Variants in NRXN3 observed in about 807,000 individuals in gnomAD.
NRXN3 encodes neurexin III.
In NRXN3, 32 loss-of-function variants were observed where a neutral mutation model predicts 137.6. The observed-to-expected ratio is 0.23, with a 90% confidence interval of 0.18 to 0.31. NRXN3 has a LOEUF of 0.31. Among genes scored for constraint, NRXN3 ranks in the 10% least tolerant of loss-of-function variants. The pLI is 1.00. For missense variants in NRXN3, 1,574 were observed against 2,062.5 expected (o/e 0.76, Z 4.59); for synonymous variants, 798 against 784.5 (o/e 1.02, Z -0.29).
At chr14:79,301,970 A>T (rs1018207017) in intron 15 of NRXN3, among the ~76,000 whole-genome samples, 8 of 151,964 alleles carry the variant, frequency 5.3e-5, no homozygotes, top group Admixed American at 4.6e-4. Context: ...GTTTGTGGCT[A>T]TGAGCTCTTT....
chr14:78,458,771 CTGT>C (rs371018911), intron 4 of NRXN3, among the ~76,000 whole-genome samples: 70 of 152,316 alleles, frequency 4.6e-4, no homozygotes, highest in African/African-American at 1.7e-3. Flanking sequence ...GAATAGGTGC[CTGT>C]TGTTATATCT....
intron 4 of NRXN3, among the ~76,000 whole-genome samples, chr14:78,454,546 C>CAGCCAGGAG (rs1245766078): frequency 1.3e-5 from 2 of 152,206 alleles, no homozygotes; most frequent in African/African-American, 4.8e-5. Flanking sequence ...GGTTTGAGAA[C>CAGCCAGGAG]TGCTGTCTCT....
At chr14:79,557,332 T>C (rs1392957977) in intron 16 of NRXN3, among the ~76,000 whole-genome samples, 1 of 151,878 alleles carries the variant, frequency 6.6e-6, no homozygotes, top group African/African-American at 2.4e-5. Flanking sequence ...TGCAAAAACC[T>C]AGTAGTTCTC....
intron 15 of NRXN3, among the ~76,000 whole-genome samples, chr14:79,281,305 G>T (rs778009192): frequency 6.6e-6 from 1 of 152,092 alleles, no homozygotes; most frequent in Non-Finnish European, 1.5e-5. Context: ...GCAGAGATGG[G>T]CTTGTTCACA....
Position 79,621,443 on chromosome 14 carries a change from T to C in NRXN3, c.3445-42335T>C, listed in dbSNP as rs1811214869. Among the ~76,000 whole-genome samples, 3 of 152,360 alleles carry C rather than the reference T, an allele frequency of 2.0e-5. No individual in the cohort carries two copies. The South Asian group carries it at 6.2e-4, about 32-fold the overall frequency. On this transcript the variant is annotated intron_variant, in intron 16 of 20. Coordinates refer to ENST00000335750, the MANE Select transcript of NRXN3 (RefSeq NM_001330195.2). The stretch of plus-strand genomic sequence containing the variant: ...TGCCAGTGGAGAAAAGTGATAACTT[T>C]ATGAGTCCTTTGCCAGACATAAGTG...
At chr14:78,463,297 G>A (rs1488336859) in intron 4 of NRXN3, among the ~76,000 whole-genome samples, 1 of 152,004 alleles carries the variant, frequency 6.6e-6, no homozygotes, top group African/African-American at 2.4e-5. Context: ...ACCAGTTGAT[G>A]GACACTTAGG....
At chr14:78,312,301 A>C (rs1164028011) in intron 4 of NRXN3, among the ~76,000 whole-genome samples, 1 of 152,190 alleles carries the variant, frequency 6.6e-6, no homozygotes, top group Admixed American at 6.5e-5. Context: ...GCTTTGTACC[A>C]CTTACACAGA....
intron 6 of NRXN3, among the ~76,000 whole-genome samples, chr14:78,685,959 T>C (rs2098122327): frequency 6.6e-6 from 1 of 152,038 alleles, no homozygotes; most frequent in African/African-American, 2.4e-5. Context: ...ATGTCACAGT[T>C]TTATAGGCCT....
At chr14:79,536,045 CT>C (rs1045664955) in intron 16 of NRXN3, among the ~76,000 whole-genome samples, 1 of 152,170 alleles carries the variant, frequency 6.6e-6, no homozygotes. Flanking sequence ...GCTCAACCAG[CT>C]TTGCTGAAAT....
intron 15 of NRXN3, among the ~76,000 whole-genome samples, chr14:79,015,626 A>G (rs1165140590): frequency 1.3e-5 from 2 of 152,150 alleles, no homozygotes; most frequent in African/African-American, 4.8e-5. Flanking sequence ...CTCCATTCTA[A>G]GGCCCGCCTC....
intron 14 of NRXN3, among the ~76,000 whole-genome samples, chr14:78,987,567 A>G (rs1433584032): frequency 6.6e-6 from 1 of 152,054 alleles, no homozygotes; most frequent in Non-Finnish European, 1.5e-5. Context: ...ATATCATTAA[A>G]CATCTTTTTT....
rs552281021 is a variant in NRXN3, at chr14:78,864,761, T to C, written c.2275+54417T>C. ...CTTTGGTTTCATAAAGAGTGGACAG[T>C]CTTGGGGAAGTATGGCTGGACAAAA... On this transcript the variant is annotated intron_variant, in intron 10 of 20. Coordinates refer to ENST00000335750, the MANE Select transcript of NRXN3 (RefSeq NM_001330195.2). Among the ~76,000 whole-genome samples the C allele has an allele frequency of 2.0e-5, 3 of 152,202 alleles. No homozygotes were observed. The East Asian group carries it at 5.8e-4, about 29-fold the overall frequency.
At chr14:79,768,385 T>G (rs913463341) in intron 19 of NRXN3, among the ~76,000 whole-genome samples, 7 of 152,152 alleles carry the variant, frequency 4.6e-5, no homozygotes, top group Non-Finnish European at 8.8e-5. Context: ...CTGACAGCTT[T>G]GAAGAGAGCA....
At chr14:78,263,873 TTGTGTGTGTGTGTGTGTGTG>T (rs3059009) in intron 2 of NRXN3, among the ~76,000 whole-genome samples, 34 of 135,650 alleles carry the variant, frequency 2.5e-4, no homozygotes, top group African/African-American at 5.1e-4. Flanking sequence ...CAGTTCTATT[TTGTGTGTGTGTGTGTGTGTG>T]TGTGTGTGTG....
chr14:79,255,202 G>A (rs914641877), intron 15 of NRXN3, among the ~76,000 whole-genome samples: 10 of 152,174 alleles, frequency 6.6e-5, no homozygotes, highest in African/African-American at 2.4e-4. Context: ...ACACTGTCAG[G>A]AGTGGCCCAG....
intron 20 of NRXN3, among the ~76,000 whole-genome samples, chr14:79,849,222 C>T (rs1157809042): frequency 6.6e-6 from 1 of 152,198 alleles, no homozygotes; most frequent in Non-Finnish European, 1.5e-5. Context: ...TCCCAAAAGT[C>T]CATTCTCCAT....
At chr14:78,296,524 A>C (rs967026943) in intron 3 of NRXN3, among the ~76,000 whole-genome samples, 7 of 152,338 alleles carry the variant, frequency 4.6e-5, no homozygotes, top group African/African-American at 1.4e-4. Context: ...CAAAAGACCC[A>C]AAATGAATTT....
chr14:78,354,889 C>G lies in NRXN3; in HGVS notation c.757+57029C>G, dbSNP rs548692271. ...AGTAAGAAAACAGAGGTAGTGGCTA[C>G]CAAGGGGCTGAGGGAATCTGTTCTC... On this transcript the variant is annotated intron_variant, in intron 4 of 20. Transcript: ENST00000335750. Among the ~76,000 whole-genome samples, 98 of 152,280 alleles carry G rather than the reference C, an allele frequency of 6.4e-4. 1 individual carries two copies. The highest frequency in any genetic ancestry group is 2.2e-3 in the African/African-American group (93 of 41,560).
chr14:79,769,987 A>G (rs936725028), intron 19 of NRXN3, among the ~76,000 whole-genome samples: 1 of 152,152 alleles, frequency 6.6e-6, no homozygotes, highest in African/African-American at 2.4e-5. Flanking sequence ...GTCTCTGATA[A>G]AAGAGACTTT....
Sources: allele counts gnomAD v4.1 joint callset (sites outside exome capture counted in the v4.1 genomes callset), GRCh38; gene constraint gnomAD v4.1.1; transcripts MANE v1.5; gene names NCBI Gene and HGNC (gene_info 2026-07-23, HGNC 2026-07-21).